Variants in PPP2R2C observed in about 807,000 individuals in gnomAD.
The protein encoded by PPP2R2C is protein phosphatase 2 regulatory subunit Bgamma, also known as protein phosphatase 2, regulatory subunit B, gamma.
In PPP2R2C, 10 loss-of-function variants were observed where a neutral mutation model predicts 45.3. The observed-to-expected ratio is 0.22, with a 90% CI of 0.14 to 0.37. The LOEUF (loss-of-function observed/expected upper bound fraction) is 0.37. Ranked by LOEUF, PPP2R2C falls within the 10% of genes least tolerant of loss-of-function variation. The pLI is 1.00. For synonymous variants in PPP2R2C, 257 were observed against 245.4 expected (o/e 1.05, Z -0.44); for missense variants, 308 against 619.7 (o/e 0.50, Z 5.34).
intron 1 of PPP2R2C, among the ~76,000 whole-genome samples, chr4:6,449,545 G>A (rs529423358): frequency 1.2e-3 from 180 of 151,850 alleles, no homozygotes; most frequent in Non-Finnish European, 2.4e-3. Flanking sequence ...CCTGGCCCCT[G>A]TCGGGAGGGA....
intron 2 of PPP2R2C, among the ~76,000 whole-genome samples, chr4:6,530,881 A>G (rs996074405): frequency 4.6e-5 from 7 of 152,222 alleles, no homozygotes; most frequent in African/African-American, 1.7e-4. Context: ...GTGGTTCTCC[A>G]CCAGGCTGCT....
chr4:6,476,523 C>T (rs1285866054), upstream of PPP2R2C, among the ~76,000 whole-genome samples: 2 of 152,166 alleles, frequency 1.3e-5, no homozygotes. Context: ...ATCCACAAAT[C>T]AGGAAGCCCT....
At chr4:6,513,457 G>C (rs769165247) in intron 2 of PPP2R2C, among the ~76,000 whole-genome samples, 2 of 152,176 alleles carry the variant, frequency 1.3e-5, no homozygotes, top group African/African-American at 2.4e-5. Context: ...GGTGGAACAG[G>C]GGGTGAAGAG....
chr4:6,540,198 C>G (rs2108831001), intron 1 of PPP2R2C, among the ~76,000 whole-genome samples: 1 of 152,304 alleles, frequency 6.6e-6, no homozygotes, highest in East Asian at 1.9e-4. Flanking sequence ...CAAAAAGAAA[C>G]CACATGTTCA....
chr4:6,353,370 A>ACAGTCC (rs1712759918), intron 5 of PPP2R2C, among the ~76,000 whole-genome samples: 3 of 16,440 alleles, frequency 1.8e-4, no homozygotes, highest in East Asian at 2.4e-3. Context: ...CAGCCCCCCA[A>ACAGTCC]CCAACAGCCC....
chr4:6,426,334 G>A lies in PPP2R2C; in HGVS notation c.71-45240C>T, dbSNP rs528201612. 2.6e-5 allele frequency among the ~76,000 whole-genome samples: 4 copies of A among 152,324 alleles called. No homozygotes were observed. In the South Asian group the frequency reaches 8.3e-4, roughly 32 times the overall value. ...AGCTGCTGAAAATCCCAGTGGTGGG[G>A]ATTCTTCCATTGCTGCCTGTGTTTG... On this transcript the variant is annotated intron_variant, in intron 1 of 8. Transcript: ENST00000382599.
chr4:6,477,412 A>G (rs554058686), upstream of PPP2R2C, among the ~76,000 whole-genome samples: 1 of 152,220 alleles, frequency 6.6e-6, no homozygotes, highest in African/African-American at 2.4e-5. Flanking sequence ...ATCACCTCTA[A>G]CGCCAAACCC....
At chr4:6,417,090 G>A (rs1167106146) in intron 1 of PPP2R2C, among the ~76,000 whole-genome samples, 1 of 152,238 alleles carries the variant, frequency 6.6e-6, no homozygotes, top group African/African-American at 2.4e-5. Context: ...AGCACCGGCA[G>A]CTGGGCAGTG....
intron 1 of PPP2R2C, among the ~76,000 whole-genome samples, chr4:6,470,218 G>C (rs188617758): frequency 6.6e-6 from 1 of 152,188 alleles, no homozygotes; most frequent in African/African-American, 2.4e-5. Context: ...AATTCAGGCC[G>C]CACAAGGGCA....
intron 5 of PPP2R2C, chr4:6,349,227 G>T (rs981194399): frequency 7.5e-5 from 74 of 985,306 alleles, no homozygotes; most frequent in Non-Finnish European, 7.2e-5. Flanking sequence ...GCTTTGCACG[G>T]TCTGTTCCCT....
In PPP2R2C at chr4:6,511,540, G is replaced by A. The variant is rs868469488; in HGVS notation, c.49+23731C>T. Among the ~76,000 whole-genome samples, 22 of 21,196 alleles carry A rather than the reference G, an allele frequency of 1.0e-3. 2 individuals carry two copies. Among genetic ancestry groups the A allele is most frequent in the East Asian group, 2.3e-3 (1 of 428 alleles). The allele number at this position is 21,196 out of a possible 152,430, so 13.9% of individuals were successfully genotyped here. A position where few individuals can be genotyped will look rare whatever the true frequency, so the allele number is the denominator to read the frequency against. On this transcript the variant is annotated intron_variant, in intron 2 of 9. Transcript: ENST00000506140. ...GGTGGTGGTGATGGTGGTGGTGGTG[G>A]TGGTGATGGTGGTGGTGGTGGTGGT...
chr4:6,449,646 AAATCTCT>A (rs1332862854), intron 1 of PPP2R2C, among the ~76,000 whole-genome samples: 1 of 152,220 alleles, frequency 6.6e-6, no homozygotes, highest in Non-Finnish European at 1.5e-5. Flanking sequence ...GCAGGAAAAC[AAATCTCT>A]AAGTCCCCAA....
At chr4:6,520,487 G>A (rs1206436368) in intron 2 of PPP2R2C, among the ~76,000 whole-genome samples, 1 of 152,208 alleles carries the variant, frequency 6.6e-6, no homozygotes. Context: ...GGTGACAAAT[G>A]ACCCACGTCA....
intron 2 of PPP2R2C, among the ~76,000 whole-genome samples, chr4:6,513,364 G>T (rs1723730906): frequency 6.6e-6 from 1 of 152,182 alleles, no homozygotes; most frequent in South Asian, 2.1e-4. Flanking sequence ...TGGTGCTGGT[G>T]CATGGAGAGG....
At chr4:6,538,373 C>A (rs561481975) in intron 1 of PPP2R2C, among the ~76,000 whole-genome samples, 2 of 152,250 alleles carry the variant, frequency 1.3e-5, no homozygotes, top group South Asian at 4.2e-4. Flanking sequence ...CTGCCAAGTT[C>A]CACCGACACA....
At chr4:6,403,190 C>A (rs1192317298) in intron 1 of PPP2R2C, among the ~76,000 whole-genome samples, 1 of 152,180 alleles carries the variant, frequency 6.6e-6, no homozygotes, top group African/African-American at 2.4e-5. Context: ...CGGGCTGTCG[C>A]TCTCATGCAA....
rs561759633 is a variant in PPP2R2C, at chr4:6,427,077, C to T, written c.70+45083G>A. 5.4e-4 allele frequency among the ~76,000 whole-genome samples: 83 copies of T among 152,332 alleles called. 1 individual carries two copies. The highest frequency in any genetic ancestry group is 5.4e-3 in the South Asian group (26 of 4,826). On this transcript the variant is annotated intron_variant, in intron 1 of 8. Transcript: ENST00000382599. ...AAGAAGAGAATATCTGACCTGGCAA[C>T]GCCATGTGCCAATGTGTACCAAGGG...
chr4:6,527,571 G>A lies in PPP2R2C; in HGVS notation c.49+7700C>T, dbSNP rs1246908224. 4.0e-5 allele frequency among the ~76,000 whole-genome samples: 4 copies of A among 98,836 alleles called. No homozygotes were observed. In the East Asian group the frequency reaches 1.3e-3, roughly 32 times the overall value. The allele number at this position is 98,836 out of a possible 152,430, so 64.8% of individuals were successfully genotyped here. A position where few individuals can be genotyped will look rare whatever the true frequency, so the allele number is the denominator to read the frequency against. On this transcript the variant is annotated intron_variant, in intron 2 of 9. Transcript: ENST00000506140. ...CAACAGCTTGCCAGGGACTTGCCAA[G>A]GCCTGGGTAACCCCGCCCGACCCCA...
At chr4:6,505,977 T>C (rs1292956343) in intron 2 of PPP2R2C, among the ~76,000 whole-genome samples, 1 of 152,096 alleles carries the variant, frequency 6.6e-6, no homozygotes, top group Non-Finnish European at 1.5e-5. Flanking sequence ...AAAACATTTT[T>C]TTTAATTAAA....
Sources: allele counts gnomAD v4.1 joint callset (sites outside exome capture counted in the v4.1 genomes callset), GRCh38; gene constraint gnomAD v4.1.1; transcripts MANE v1.5; gene names NCBI Gene and HGNC (gene_info 2026-07-23, HGNC 2026-07-21).